SLC8A3: variants seen among roughly 807,000 people sequenced by gnomAD.
SLC8A3 encodes the protein sodium/calcium exchanger 3.
SLC8A3 carries 37 observed loss-of-function variants against 65.4 expected under a neutral mutation model. That is an observed-to-expected ratio of 0.57 (90% CI 0.44 to 0.74). The LOEUF (loss-of-function observed/expected upper bound fraction) is 0.74. Among genes scored for constraint, SLC8A3 ranks in the 30% least tolerant of loss-of-function variants. The probability of loss-of-function intolerance (pLI) is 0.00; values close to 1 mark genes in which losing one functional copy is unlikely to be tolerated. For missense variants in SLC8A3, 1,112 were observed against 1,172.1 expected (o/e 0.95, Z 0.75); for synonymous variants, 461 against 444.5 (o/e 1.04, Z -0.47).
At chr14:70,048,531 A>G (rs1040671674) in intron 6 of SLC8A3, 3 of 632,594 alleles carry the variant, frequency 4.7e-6, no homozygotes, top group East Asian at 5.5e-5. Context: ...GGGAAAATGT[A>G]AATGTGTAAA....
At chr14:70,085,035 G>C (rs932024955) in intron 2 of SLC8A3, among the ~76,000 whole-genome samples, 2 of 152,160 alleles carry the variant, frequency 1.3e-5, no homozygotes, top group Admixed American at 1.3e-4. Flanking sequence ...GTTTCCATGG[G>C]CAAAGTATGT....
chr14:70,095,651 G>T (rs1301514343), intron 2 of SLC8A3, among the ~76,000 whole-genome samples: 2 of 152,170 alleles, frequency 1.3e-5, no homozygotes, highest in Non-Finnish European at 2.9e-5. Context: ...CTGAAACAAC[G>T]ATATGTAAAC....
At chr14:70,102,919 G>A (rs143078871) in intron 2 of SLC8A3, among the ~76,000 whole-genome samples, 12 of 151,628 alleles carry the variant, frequency 7.9e-5, no homozygotes, top group African/African-American at 9.6e-5. Context: ...TTCCAAATTC[G>A]CTGAGAAATA....
chr14:70,064,710 G>A (rs1052080026), intron 2 of SLC8A3, among the ~76,000 whole-genome samples: 2 of 152,102 alleles, frequency 1.3e-5, no homozygotes, highest in African/African-American at 2.4e-5. Flanking sequence ...TCAGAATCAC[G>A]ATTCCTTTCT....
chr14:70,143,543 A>G (rs1895709039), intron 2 of SLC8A3, among the ~76,000 whole-genome samples: 1 of 152,110 alleles, frequency 6.6e-6, no homozygotes, highest in Non-Finnish European at 1.5e-5. Context: ...TGCTTAAACA[A>G]TATACTGATA....
At chr14:70,050,650 C>T (rs1887389529) in intron 5 of SLC8A3, among the ~76,000 whole-genome samples, 1 of 152,094 alleles carries the variant, frequency 6.6e-6, no homozygotes, top group African/African-American at 2.4e-5. Flanking sequence ...GGGACCAAAC[C>T]CATGAAAAGA....
chr14:70,141,073 C>T (rs1425614), intron 2 of SLC8A3, among the ~76,000 whole-genome samples: 35,453 of 152,100 alleles, frequency 0.23, 4,812 homozygotes, highest in Admixed American at 0.33. Context: ...AATACCGATG[C>T]GATAATAACA....
At chr14:70,129,713 T>A (rs569985859) in intron 2 of SLC8A3, among the ~76,000 whole-genome samples, 1 of 152,194 alleles carries the variant, frequency 6.6e-6, no homozygotes, top group South Asian at 2.1e-4. Flanking sequence ...GAAGGAGAGG[T>A]CACCACTGAC....
chr14:70,142,661 G>T (rs1262505043), intron 2 of SLC8A3, among the ~76,000 whole-genome samples: 1 of 152,208 alleles, frequency 6.6e-6, no homozygotes, highest in Admixed American at 6.5e-5. Flanking sequence ...CACTAGAAGA[G>T]AAATCTATTC....
intron 2 of SLC8A3, among the ~76,000 whole-genome samples, chr14:70,094,022 CATGTGGGCCAGCATGGAA>C (rs1334654292): frequency 2.0e-5 from 3 of 152,242 alleles, no homozygotes; most frequent in Non-Finnish European, 4.4e-5. Flanking sequence ...GCTAGCCGGA[CATGTGGGCCAGCATGGAA>C]AAGTGGCCAG....
At chr14:70,073,600 G>GT (rs1218311672) in intron 2 of SLC8A3, among the ~76,000 whole-genome samples, 2 of 152,190 alleles carry the variant, frequency 1.3e-5, no homozygotes, top group Non-Finnish European at 2.9e-5. Context: ...ATTTAACAGT[G>GT]TATCTGTTCC....
intron 3 of SLC8A3, among the ~76,000 whole-genome samples, chr14:70,056,417 T>G (rs1888119147): frequency 6.6e-6 from 1 of 152,192 alleles, no homozygotes; most frequent in South Asian, 2.1e-4. Context: ...CCTTCCTAGC[T>G]GCCACGTTGA....
At chr14:70,179,201 C>T (rs1411864588) in intron 1 of SLC8A3, among the ~76,000 whole-genome samples, 1 of 152,186 alleles carries the variant, frequency 6.6e-6, no homozygotes, top group African/African-American at 2.4e-5. Flanking sequence ...CTCTGAGAGG[C>T]TTTCCCCCGC....
At chr14:70,184,468 C>T (rs1883015826) in intron 1 of SLC8A3, among the ~76,000 whole-genome samples, 1 of 152,160 alleles carries the variant, frequency 6.6e-6, no homozygotes, top group Non-Finnish European at 1.5e-5. Flanking sequence ...CATGTTAGGT[C>T]TTTACATATG....
intron 3 of SLC8A3, among the ~76,000 whole-genome samples, chr14:70,055,519 T>A (rs1888007877): frequency 6.6e-6 from 1 of 152,184 alleles, no homozygotes; most frequent in African/African-American, 2.4e-5. Context: ...ACCATCTCCT[T>A]GTTAAGCTTA....
chr14:70,104,744 A>T (rs1892744080), intron 2 of SLC8A3, among the ~76,000 whole-genome samples: 1 of 152,208 alleles, frequency 6.6e-6, no homozygotes, highest in Non-Finnish European at 1.5e-5. Flanking sequence ...ATTAGAATAT[A>T]TTGAATAAAA....
At chr14:70,162,614 C>A (rs758793106) in intron 2 of SLC8A3, among the ~76,000 whole-genome samples, 1 of 152,174 alleles carries the variant, frequency 6.6e-6, no homozygotes, top group South Asian at 2.1e-4. Flanking sequence ...CAAAGGCGTG[C>A]TGAGAGCCTG....
At chr14:70,136,114 AAAG>A (rs943169026) in intron 2 of SLC8A3, among the ~76,000 whole-genome samples, 6 of 152,174 alleles carry the variant, frequency 3.9e-5, no homozygotes, top group East Asian at 1.9e-4. Context: ...ACACACACAA[AAAG>A]AAGAAGAAGA....
chr14:70,176,166 C>T (rs1179189882), intron 1 of SLC8A3, among the ~76,000 whole-genome samples: 1 of 152,254 alleles, frequency 6.6e-6, no homozygotes, highest in Admixed American at 6.5e-5. Flanking sequence ...ACTTTGCCCT[C>T]TCCAAATCCT....
Sources: gnomAD v4.1 joint callset for allele counts (sites outside exome capture counted in the v4.1 genomes callset) on GRCh38, gnomAD v4.1.1 for gene constraint, MANE v1.5 for transcripts, NCBI Gene and HGNC (gene_info 2026-07-23, HGNC 2026-07-21) for gene names.